NCALD: variants seen among roughly 807,000 people sequenced by gnomAD.
The protein encoded by NCALD is neurocalcin-delta.
In NCALD, 10 loss-of-function variants were observed where a neutral mutation model predicts 18.6. That is an observed-to-expected ratio of 0.54 (90% CI 0.33 to 0.91). The LOEUF (loss-of-function observed/expected upper bound fraction) is 0.91, where lower values mean the gene tolerates loss of function less well. Ranked by LOEUF, NCALD falls within the 40% of genes least tolerant of loss-of-function variation. The pLI, the probability that NCALD is intolerant of heterozygous loss-of-function variation, is 0.03. For missense variants in NCALD, 184 were observed against 247.6 expected, an observed-to-expected ratio of 0.74 and a Z score of 1.72; for synonymous variants, 88 against 87.4, an observed-to-expected ratio of 1.01 and a Z score of -0.04.
At chr8:101,831,587 T>C (rs1020713241) in intron 4 of NCALD, among the ~76,000 whole-genome samples, 2 of 152,222 alleles carry the variant, frequency 1.3e-5, no homozygotes, top group Admixed American at 6.5e-5. Context: ...GAGACAGACT[T>C]GCTTTCCCCT....
At chr8:101,921,272 AT>A (rs976949562) in intron 2 of NCALD, among the ~76,000 whole-genome samples, 3 of 151,610 alleles carry the variant, frequency 2.0e-5, no homozygotes, top group East Asian at 3.9e-4. Flanking sequence ...AAAAAAAAAA[AT>A]CTCAAATTAT....
At chr8:101,820,310 T>C (rs78207643) in intron 4 of NCALD, among the ~76,000 whole-genome samples, 2,350 of 152,348 alleles carry the variant, frequency 0.015, 91 homozygotes, top group East Asian at 0.12. Flanking sequence ...GTTCACAGCA[T>C]TGAACAGTAC....
chr8:102,029,712 A>G (rs1433839112), intron 1 of NCALD, among the ~76,000 whole-genome samples: 5 of 152,216 alleles, frequency 3.3e-5, no homozygotes, highest in Non-Finnish European at 7.3e-5. Context: ...CCAAAAACAC[A>G]GCATTCGAGC....
chr8:101,727,921 C>G (rs1816646924), intron 1 of NCALD, among the ~76,000 whole-genome samples: 1 of 152,234 alleles, frequency 6.6e-6, no homozygotes, highest in African/African-American at 2.4e-5. Flanking sequence ...CTATTAGACA[C>G]TGGCATCCTG....
intron 3 of NCALD, among the ~76,000 whole-genome samples, chr8:101,909,159 G>A (rs1434116971): frequency 6.6e-6 from 1 of 152,078 alleles, no homozygotes; most frequent in African/African-American, 2.4e-5. Flanking sequence ...CTCTTGTTGA[G>A]CCCATCAGAG....
intron 2 of NCALD, among the ~76,000 whole-genome samples, chr8:102,002,996 A>G (rs1288186798): frequency 6.6e-6 from 1 of 152,200 alleles, no homozygotes; most frequent in East Asian, 1.9e-4. Context: ...ACACATTCAA[A>G]AGCTAGCAGA....
rs189952345 is a variant in NCALD at position 102,102,796 on chromosome 8, G to A, written c.-210+21441C>T. ...AATGGCAAGATCAAGGGAGAGGAGA[G>A]AGAGAGGGGTGGGTGAGCTCTCGGT... On this transcript the variant is annotated intron_variant, in intron 1 of 6. Transcript: ENST00000311028. 1.8e-4 allele frequency among the ~76,000 whole-genome samples: 28 copies of A among 152,192 alleles called. 1 individual carries two copies. In the East Asian group the frequency reaches 5.4e-3, roughly 29 times the overall value.
chr8:101,771,269 C>G (rs1811574835), intron 1 of NCALD, among the ~76,000 whole-genome samples: 1 of 152,170 alleles, frequency 6.6e-6, no homozygotes, highest in African/African-American at 2.4e-5. Flanking sequence ...CATCATGGTA[C>G]CTCCAGATCA....
intron 1 of NCALD, among the ~76,000 whole-genome samples, chr8:102,061,588 T>C (rs866892926): frequency 1.1e-4 from 16 of 152,072 alleles, no homozygotes; most frequent in African/African-American, 3.9e-4. Context: ...CTGCTCTCCA[T>C]GAAATAAGAA....
intron 1 of NCALD, among the ~76,000 whole-genome samples, chr8:102,050,529 G>A (rs747058519): frequency 6.6e-6 from 1 of 150,740 alleles, no homozygotes; most frequent in Admixed American, 6.6e-5. Flanking sequence ...CTCAGGAGAA[G>A]ACAGAAATGC....
intron 4 of NCALD, among the ~76,000 whole-genome samples, chr8:101,802,934 A>G (rs1016509801): frequency 1.3e-5 from 2 of 150,430 alleles, no homozygotes; most frequent in African/African-American, 4.9e-5. Flanking sequence ...AACATGAAGC[A>G]GCAAGTGCTG....
chr8:101,739,240 A>T lies in NCALD; in HGVS notation c.-19-19592T>A, dbSNP rs113518809. On this transcript the variant is annotated intron_variant, in intron 1 of 3. Coordinates refer to ENST00000220931, the MANE Select transcript of NCALD (RefSeq NM_032041.3). ...CCTCCTCATTACCTCCTTCAGGTCT[A>T]CCCCAGTCTCCCCTTCTCAGTAGTG... is the stretch of plus-strand genomic sequence containing the variant. 5.4e-3 allele frequency among the ~76,000 whole-genome samples: 824 copies of T among 151,766 alleles called. 11 individuals carry two copies. The highest frequency in any genetic ancestry group is 0.019 in the African/African-American group (784 of 41,326).
At chr8:101,944,815 C>A (rs975630281) in intron 2 of NCALD, among the ~76,000 whole-genome samples, 3 of 152,228 alleles carry the variant, frequency 2.0e-5, no homozygotes, top group Non-Finnish European at 4.4e-5. Flanking sequence ...CTGTCAGGCC[C>A]AAGAGTAACA....
At chr8:102,001,661 G>C (rs1238162449) in intron 2 of NCALD, among the ~76,000 whole-genome samples, 2 of 152,214 alleles carry the variant, frequency 1.3e-5, no homozygotes, top group African/African-American at 2.4e-5. Flanking sequence ...AAGCCCATCA[G>C]ACTAACAGCT....
Position 101,967,977 on chromosome 8 carries a change from C to T in NCALD, c.-156-52119G>A, listed in dbSNP as rs147290258. The stretch of plus-strand genomic sequence containing the variant: ...TGACAACCCCAGTGTAGTGTGACAC[C>T]CAGATCACTAGCCATGAGAACAAGT... On this transcript the variant is annotated intron_variant, in intron 2 of 6. Coordinates refer to the NCALD transcript ENST00000311028. Among the ~76,000 whole-genome samples the T allele has an allele frequency of 4.7e-3, 713 of 152,174 alleles. 7 individuals carry two copies. Among genetic ancestry groups the T allele is most frequent in the African/African-American group, 0.015 (634 of 41,510 alleles).
At chr8:101,927,134 C>T (rs1818364295) in intron 2 of NCALD, among the ~76,000 whole-genome samples, 2 of 152,180 alleles carry the variant, frequency 1.3e-5, no homozygotes, top group African/African-American at 4.8e-5. Flanking sequence ...TGATCCTCAC[C>T]TTGCCATCCT....
At chr8:102,111,416 G>GTA (rs1037976997) in intron 1 of NCALD, among the ~76,000 whole-genome samples, 15 of 138,168 alleles carry the variant, frequency 1.1e-4, no homozygotes, top group African/African-American at 3.2e-4. Flanking sequence ...AAAGAGATGT[G>GTA]TGTGTGTGTG....
chr8:102,088,007 A>G (rs984838369), intron 1 of NCALD, among the ~76,000 whole-genome samples: 28 of 152,146 alleles, frequency 1.8e-4, no homozygotes, highest in African/African-American at 6.5e-4. Flanking sequence ...AGGATTTGTG[A>G]GGCTAATCTT....
intron 1 of NCALD, among the ~76,000 whole-genome samples, chr8:102,023,980 C>A (rs958781061): frequency 2.6e-5 from 4 of 152,182 alleles, no homozygotes; most frequent in South Asian, 4.1e-4. Context: ...GGCAGTTTCA[C>A]CCAGCTTCAG....
Sources: allele counts gnomAD v4.1 joint callset (sites outside exome capture counted in the v4.1 genomes callset), GRCh38; gene constraint gnomAD v4.1.1; transcripts MANE v1.5; gene names NCBI Gene and HGNC (gene_info 2026-07-23, HGNC 2026-07-21).